Variants in DNAH6 observed in about 807,000 individuals in gnomAD.
DNAH6 encodes axonemal beta dynein heavy chain 6.
In DNAH6, 340 loss-of-function variants were observed where a neutral mutation model predicts 491.4. The ratio of observed to expected loss-of-function variants is 0.69; its 90% CI spans 0.63 to 0.76. The LOEUF is 0.76. Among genes scored for constraint, DNAH6 ranks in the 30% least tolerant of loss-of-function variants. DNAH6 has a pLI of 0.00. For missense variants in DNAH6, 4,443 were observed against 4,972.2 expected, an observed-to-expected ratio of 0.89 and a Z score of 3.20; for synonymous variants, 1,603 against 1,686.1, an observed-to-expected ratio of 0.95 and a Z score of 1.21.
At chr2:84,728,268 A>G (rs1195953513) in intron 61 of DNAH6, among the ~76,000 whole-genome samples, 1 of 152,204 alleles carries the variant, frequency 6.6e-6, no homozygotes, top group Non-Finnish European at 1.5e-5. Context: ...AGTCTCAGCT[A>G]TGTCTTCATC....
the DNAH6 span, among the ~76,000 whole-genome samples, chr2:84,491,781 G>A: frequency 6.0e-3 from 910 of 152,228 alleles, 14 homozygotes; most frequent in African/African-American, 0.021. Context: ...TGGTGTTAGA[G>A]GCTTTCCTTG....
chr2:84,704,615 T>A (rs1558935671), intron 51 of DNAH6, among the ~76,000 whole-genome samples: 3 of 152,322 alleles, frequency 2.0e-5, no homozygotes, highest in East Asian at 1.9e-4. Context: ...CCAGCTGGGA[T>A]GTGCAAGTAG....
the DNAH6 span, among the ~76,000 whole-genome samples, chr2:84,492,431 G>A: frequency 3.5e-3 from 526 of 152,260 alleles, 1 homozygote; most frequent in African/African-American, 0.011. Context: ...AGACCTGTGT[G>A]GTGCCACAAA....
chr2:84,771,006 G>A (rs1015795719), intron 64 of DNAH6, among the ~76,000 whole-genome samples: 3 of 151,062 alleles, frequency 2.0e-5, no homozygotes, highest in African/African-American at 4.9e-5. Context: ...AAAAAAATGG[G>A]GGCCCAGCGT....
chr2:84,764,509 A>G (rs1206022856), intron 64 of DNAH6, among the ~76,000 whole-genome samples: 1 of 152,182 alleles, frequency 6.6e-6, no homozygotes, highest in Non-Finnish European at 1.5e-5. Context: ...CTGCAAGGGG[A>G]GTAAAAAATA....
the DNAH6 span, among the ~76,000 whole-genome samples, chr2:84,504,107 T>C: frequency 6.6e-6 from 1 of 152,120 alleles, no homozygotes; most frequent in Admixed American, 6.6e-5. Context: ...TTTTCTTTTG[T>C]CTCCTCTGAC....
chr2:84,511,227 C>G, the DNAH6 span, among the ~76,000 whole-genome samples: 3 of 152,188 alleles, frequency 2.0e-5, no homozygotes, highest in Admixed American at 6.5e-5. Flanking sequence ...CCACCCAGTT[C>G]GAGCTTCCTG....
intron 33 of DNAH6, among the ~76,000 whole-genome samples, chr2:84,651,117 G>A (rs185425337): frequency 4.6e-5 from 7 of 152,114 alleles, no homozygotes; most frequent in African/African-American, 9.6e-5. Flanking sequence ...TGTTCCCCAC[G>A]TGACCTCCAC....
the DNAH6 span, among the ~76,000 whole-genome samples, chr2:84,477,815 T>C: frequency 6.6e-6 from 1 of 152,204 alleles, no homozygotes; most frequent in Non-Finnish European, 1.5e-5. Context: ...TTACAAAGTA[T>C]CTTACCTCTA....
chr2:84,638,523 A>C (rs1573317945), intron 31 of DNAH6, among the ~76,000 whole-genome samples: 1 of 152,070 alleles, frequency 6.6e-6, no homozygotes, highest in Admixed American at 6.6e-5. Context: ...CCCCTTTAGG[A>C]TGGAATTTCT....
At chr2:84,774,792 T>A (rs2105193207) in intron 64 of DNAH6, among the ~76,000 whole-genome samples, 1 of 152,252 alleles carries the variant, frequency 6.6e-6, no homozygotes, top group East Asian at 1.9e-4. Flanking sequence ...TTATTCTTTT[T>A]GTGGCTATTG....
chr2:84,818,045 A>C (rs1283526831), intron 76 of DNAH6, among the ~76,000 whole-genome samples: 1 of 152,198 alleles, frequency 6.6e-6, no homozygotes, highest in Non-Finnish European at 1.5e-5. Context: ...TGGCATAAAG[A>C]ATTCTTACAA....
chr2:84,762,620 A>G, intron 63 of DNAH6, 135 bp from the exon 64 acceptor site: 1 of 614,576 alleles, frequency 1.6e-6, no homozygotes, highest in South Asian at 2.2e-5. Flanking sequence ...ATCTATAAAA[A>G]GATGTATACC....
intron 29 of DNAH6, among the ~76,000 whole-genome samples, chr2:84,625,346 A>G (rs1326879870): frequency 6.6e-6 from 1 of 152,190 alleles, no homozygotes; most frequent in African/African-American, 2.4e-5. Context: ...GAGATGAGGT[A>G]CAAGATAGAA....
chr2:84,744,742 T>C (rs1202192556), intron 62 of DNAH6, among the ~76,000 whole-genome samples: 1 of 152,212 alleles, frequency 6.6e-6, no homozygotes, highest in African/African-American at 2.4e-5. Context: ...CATTTAATTA[T>C]GTTTGCTTTG....
intron 19 of DNAH6, among the ~76,000 whole-genome samples, chr2:84,605,165 G>A (rs1288741444): frequency 7.9e-5 from 12 of 151,432 alleles, no homozygotes; most frequent in African/African-American, 2.9e-4. Flanking sequence ...GGCTAGCATG[G>A]TGAAACCCTA....
intron 76 of DNAH6, among the ~76,000 whole-genome samples, chr2:84,816,818 A>C (rs1313122011): frequency 1.3e-5 from 2 of 152,220 alleles, no homozygotes; most frequent in East Asian, 1.9e-4. Flanking sequence ...AAAAGAAACC[A>C]GACAGAAAGA....
chr2:84,700,217 G>T (rs1192284), intron 48 of DNAH6, among the ~76,000 whole-genome samples: 2 of 152,080 alleles, frequency 1.3e-5, no homozygotes, highest in African/African-American at 2.4e-5. Context: ...CGAGTTAAGC[G>T]CTGTGGGACC....
At chr2:84,500,000 G>A in the DNAH6 span, among the ~76,000 whole-genome samples, 13 of 151,248 alleles carry the variant, frequency 8.6e-5, no homozygotes, top group East Asian at 1.9e-4. Context: ...CTTTGTTATC[G>A]TACCCTTTGC....
Sources: gnomAD v4.1 joint callset for allele counts (sites outside exome capture counted in the v4.1 genomes callset) on GRCh38, gnomAD v4.1.1 for gene constraint, MANE v1.5 for transcripts, NCBI Gene and HGNC (gene_info 2026-07-23, HGNC 2026-07-21) for gene names.